Variants in TSC2 observed in about 807,000 individuals in gnomAD.
TSC2 encodes TSC complex subunit 2, also known as tuberin.
A neutral mutation model predicts 202.2 loss-of-function variants in TSC2; 29 were observed. That is an observed-to-expected ratio of 0.14 (90% CI 0.11 to 0.20). The LOEUF (loss-of-function observed/expected upper bound fraction) is 0.20. Among genes scored for constraint, TSC2 ranks in the 10% least tolerant of loss-of-function variants. TSC2 has a pLI of 1.00. For synonymous variants in TSC2, 1,349 were observed against 1,044.0 expected (o/e 1.29, Z -5.63); for missense variants, 2,429 against 2,420.0 (o/e 1.00, Z -0.08).
Position 2,087,843 on chromosome 16 carries a change from C to G in TSC2, c.4990-20C>G, listed in dbSNP as rs762508695. ...AGCACACGCTGTGTGCGGGGATGAC[C>G]CTTTCTCTTGTCCGGGCAGGGCCAG... On this transcript the variant is annotated intron_variant, in intron 38 of 41. Coordinates refer to ENST00000219476, the MANE Select transcript of TSC2 (RefSeq NM_000548.5). 34 of 1,611,892 alleles carry G rather than the reference C, an allele frequency of 2.1e-5. No individual in the cohort carries two copies. The highest frequency in any genetic ancestry group is 2.8e-5 in the Non-Finnish European group (33 of 1,179,712).
chr16:2,086,617 A>G, intron 37 of TSC2, 115 bp from the exon 38 acceptor site: 1 of 1,515,250 alleles, frequency 6.6e-7, no homozygotes, highest in African/African-American at 1.4e-5. Context: ...GCACCAGAGG[A>G]CGTGGTCCCC....
In TSC2 at chr16:2,083,204, C is replaced by A. The variant is rs564785373; in HGVS notation, c.3884-491C>A. 4 of 458,778 alleles carry A rather than the reference C, an allele frequency of 8.7e-6. No homozygotes were observed. In the East Asian group the frequency reaches 2.8e-4, roughly 32 times the overall value. 28.4% of individuals were successfully genotyped at this position (458,778 alleles called of 1,614,324 possible). A position where few individuals can be genotyped will look rare whatever the true frequency, so the allele number is the denominator to read the frequency against. ...CAGGAAATGCTGCTTTGGGACCTCC[C>A]ACCCTCTCTCCTTAGCGTCCCCAGC... On this transcript the variant is annotated intron_variant, in intron 32 of 41. Transcript: ENST00000219476.
intron 3 of TSC2, among the ~76,000 whole-genome samples, chr16:2,052,253 C>T (rs2085224806): frequency 6.8e-6 from 1 of 146,482 alleles, no homozygotes; most frequent in East Asian, 1.9e-4. Context: ...GTGAGAGTGC[C>T]AGTTGTCTGA....
intron 38 of TSC2, 197 bp downstream of exon 38, chr16:2,087,068 G>C (rs1395758583): frequency 7.7e-6 from 6 of 775,470 alleles, no homozygotes; most frequent in Non-Finnish European, 1.2e-5. Context: ...TGTGGCGCCT[G>C]CTGCTGAGTG....
At chr16:2,080,068 G>A (rs1283558558) in intron 29 of TSC2, 97 bp from the exon 30 acceptor site, 1 of 1,520,960 alleles carries the variant, frequency 6.6e-7, no homozygotes, top group Non-Finnish European at 9.1e-7. Flanking sequence ...GCTGCCTGTG[G>A]CACTAGCTTG....
At chr16:2,054,715 G>T in intron 5 of TSC2, 1 of 526,124 alleles carries the variant, frequency 1.9e-6, no homozygotes, top group Non-Finnish European at 3.4e-6. Flanking sequence ...GCAGGAGCTG[G>T]GCGAGTTCTG....
chr16:2,082,645 C>A (rs183203627), intron 32 of TSC2, 141 bp downstream of exon 32: 4 of 919,936 alleles, frequency 4.3e-6, no homozygotes, highest in Admixed American at 1.9e-5. Context: ...CGCATGAGGA[C>A]GTCTGTGCAG....
At chr16:2,075,481 C>T (rs914749889) in intron 22 of TSC2, among the ~76,000 whole-genome samples, 8 of 144,872 alleles carry the variant, frequency 5.5e-5, no homozygotes, top group African/African-American at 1.6e-4. Flanking sequence ...GAGCCGGGAT[C>T]GCGCCACTGC....
In TSC2 at chr16:2,088,631, C is replaced by T. The variant is rs769209921; in HGVS notation, c.*21C>T. 6 of 1,596,132 alleles carry T rather than the reference C, an allele frequency of 3.8e-6. No homozygotes were observed. The Admixed American group carries it at 5.1e-5, about 13-fold the overall frequency. On this transcript the variant is annotated 3_prime_UTR_variant, in exon 42 of 42. Coordinates refer to ENST00000219476, the MANE Select transcript of TSC2 (RefSeq NM_000548.5). ...TGTGAGGCCGGGGCCCTCCCTCCTG[C>T]ACTGGCCTTGGACGGTATTGCCTGT...
In TSC2 at chr16:2,083,691, C is replaced by G. The variant is rs2151509808; in HGVS notation, c.3884-4C>G. 1 of 1,578,022 alleles carries G rather than the reference C, an allele frequency of 6.3e-7. No homozygotes were observed. The highest frequency in any genetic ancestry group is 1.3e-5 in the African/African-American group (1 of 74,668). Reference sequence around the variant, plus strand: ...ATCCAGCAGCCCCGTCTGTGTCCTCCCAGACTCCGCCGTGGTCATGGAGGA... The same window carrying G: ...ATCCAGCAGCCCCGTCTGTGTCCTCGCAGACTCCGCCGTGGTCATGGAGGA... On this transcript the variant is annotated splice_region_variant and splice_polypyrimidine_tract_variant and intron_variant, in intron 32 of 41. Transcript: ENST00000219476.
intron 30 of TSC2, chr16:2,081,019 G>A (rs1455233479): frequency 5.6e-6 from 1 of 177,660 alleles, no homozygotes; most frequent in African/African-American, 2.4e-5. Context: ...CTCTTTCCTG[G>A]ATGTCTGCGT....
Position 2,080,212 on chromosome 16 carries a change from T to C in TSC2, c.3445T>C (p.Phe1149Leu), listed in dbSNP as rs1312864526. ...CGCCCTGGACGTGCCGGCCTCCCAG[T>C]TCCTGGGCAGTGCCACTTCTCCAGG... ...VGALDVPASQ[F>L]LGSATSPGPR... is the part of the protein sequence containing the mutation. The change falls in exon 30 of 42, where the codon TTC (phenylalanine) becomes CTC (leucine). Residue 1149 changes from phenylalanine to leucine, a missense_variant. By Grantham distance (22) the Phe-to-Leu change is conservative (BLOSUM62 0). Coordinates refer to ENST00000219476, the MANE Select transcript of TSC2 (RefSeq NM_000548.5). 6.2e-7 allele frequency: 1 copy of C among 1,612,976 alleles called. No homozygotes were observed.
chr16:2,063,135 C>A, intron 14 of TSC2, 82 bp downstream of exon 14: 1 of 1,492,656 alleles, frequency 6.7e-7, no homozygotes, highest in Non-Finnish European at 9.1e-7. Context: ...CGTGCTCCCG[C>A]AGAGCCGGGC....
At chr16:2,050,112 C>A (rs564210581) in intron 2 of TSC2, among the ~76,000 whole-genome samples, 1 of 152,000 alleles carries the variant, frequency 6.6e-6, no homozygotes, top group South Asian at 2.1e-4. Context: ...CCCACCACCA[C>A]GCCCAGCAAA....
Position 2,072,884 on chromosome 16 carries a change from C to T in TSC2, c.2256C>T (p.Gly752=), listed in dbSNP as rs778981034. 5.0e-6 allele frequency: 8 copies of T among 1,613,434 alleles called. No homozygotes were observed. In the Admixed American group the frequency reaches 5.0e-5, roughly 10 times the overall value. The change falls in exon 21 of 42, where the codon GGC becomes GGT. Residue 752 remains glycine (G), a synonymous_variant. Coordinates refer to ENST00000219476, the MANE Select transcript of TSC2 (RefSeq NM_000548.5). The part of the protein sequence containing the change: ...SGPKTLERLR[G]APEGFSRTDL... The stretch of plus-strand genomic sequence containing the variant: ...CAAAGACACTGGAGCGGCTCCGAGG[C>T]GCCCCAGAAGGCTTCTCCAGAACTG...
chr16:2,061,111 G>A, intron 11 of TSC2: 1 of 453,828 alleles, frequency 2.2e-6, no homozygotes, highest in South Asian at 2.1e-5. Context: ...TGGCCTGAGT[G>A]GGCCCCGGCA....
chr16:2,078,139 T>G, intron 26 of TSC2: 2 of 287,222 alleles, frequency 7.0e-6, no homozygotes, highest in African/African-American at 2.2e-5. Context: ...AAGGGGCATT[T>G]GTGGAGGGTG....
intron 16 of TSC2, among the ~76,000 whole-genome samples, chr16:2,067,037 A>G (rs1443706819): frequency 6.6e-6 from 1 of 152,076 alleles, no homozygotes; most frequent in African/African-American, 2.4e-5. Flanking sequence ...AATATAATGT[A>G]TGAATCAGTT....
intron 26 of TSC2, among the ~76,000 whole-genome samples, chr16:2,077,941 C>T (rs927087834): frequency 5.3e-5 from 8 of 152,172 alleles, no homozygotes; most frequent in African/African-American, 1.7e-4. Context: ...CAGGCCCCCT[C>T]GGGGTGCCGC....
Sources: gnomAD v4.1 joint callset for allele counts (sites outside exome capture counted in the v4.1 genomes callset) on GRCh38, gnomAD v4.1.1 for gene constraint, MANE v1.5 for transcripts, NCBI Gene and HGNC (gene_info 2026-07-23, HGNC 2026-07-21) for gene names.